The following USF2 variants were observed in gnomAD, a reference collection of about 807,000 sequenced individuals.
USF2 encodes the protein upstream stimulatory factor 2.
Under a neutral mutation model 46.9 loss-of-function variants are expected in USF2, and 16 were observed. That is an observed-to-expected ratio of 0.34 (90% confidence interval 0.23 to 0.52). USF2 has a LOEUF of 0.52. Among genes scored for constraint, USF2 ranks in the 20% least tolerant of loss-of-function variants. USF2 has a pLI of 0.96. For missense variants in USF2, 411 were observed against 474.0 expected, an observed-to-expected ratio of 0.87 and a Z score of 1.23; for synonymous variants, 239 against 194.1, an observed-to-expected ratio of 1.23 and a Z score of -1.92.
chr19:35,277,764 C>G (rs979822749), intron 7 of USF2: 1 of 152,370 alleles, frequency 6.6e-6, no homozygotes, highest in Non-Finnish European at 1.5e-5. Context: ...GCGTTCTTTC[C>G]TGTCCCCACG....
intron 7 of USF2, chr19:35,275,825 G>A (rs1390522472): frequency 6.6e-6 from 1 of 152,188 alleles, no homozygotes; most frequent in African/African-American, 2.4e-5. Context: ...GCCCGAATGT[G>A]TCCTAGCTTG....
At chr19:35,278,631 C>A in intron 7 of USF2, 67 bp from the exon 8 acceptor site, 2 of 1,535,008 alleles carry the variant, frequency 1.3e-6, no homozygotes, top group Non-Finnish European at 1.8e-6. Context: ...GAGCCTCTGC[C>A]CTGTGAGGAC....
intron 7 of USF2, chr19:35,277,300 A>G: frequency 6.5e-6 from 1 of 153,238 alleles, no homozygotes; most frequent in Non-Finnish European, 1.5e-5. Context: ...TGGAGGAAAG[A>G]GGGAGCACAA....
rs755239797 is a variant in USF2 at position 35,270,974 on chromosome 19, C to T, written c.669-109C>T. The T allele has an allele frequency of 5.3e-6, 8 of 1,495,574 alleles. No homozygotes were observed. In the East Asian group the frequency reaches 9.2e-5, roughly 17 times the overall value. The allele number at this position is 1,495,574 out of a possible 1,614,324, so 92.6% of individuals were successfully genotyped here. On this transcript the variant is annotated intron_variant, in intron 6 of 9. Transcript: ENST00000222305. ...TAAAGTATCATGTCTTTTGTTTTTGCAGATGGATTTACCTTGCAAAGATAA... is the reference window on the plus strand; with the variant it reads ...TAAAGTATCATGTCTTTTGTTTTTGTAGATGGATTTACCTTGCAAAGATAA...
rs1294082506 is a variant in USF2 at position 35,279,733 on chromosome 19, AT to A, written c.*481del. The A allele has an allele frequency of 6.1e-6, 1 of 163,842 alleles. No individual in the cohort carries two copies. The highest frequency in any genetic ancestry group is 1.3e-5 in the Non-Finnish European group (1 of 76,350). 10.1% of individuals were successfully genotyped at this position (163,842 alleles called of 1,614,324 possible). ...TTTGGGGGTGTGTGTGTGTGTTTTA[AT>A]TTTCTTTATGGAAAAATTGACAAAA... On this transcript the variant is annotated 3_prime_UTR_variant, in exon 10 of 10. Transcript: ENST00000222305.
intron 7 of USF2, chr19:35,275,139 C>G (rs1599630470): frequency 1.3e-5 from 2 of 152,292 alleles, no homozygotes; most frequent in Middle Eastern, 6.8e-3. Flanking sequence ...CTCTGCCTCC[C>G]CGGTTCAAGT....
chr19:35,270,034 G>T (rs563149461), intron 4 of USF2, 31 bp downstream of exon 4: 21 of 1,349,548 alleles, frequency 1.6e-5, no homozygotes, highest in Middle Eastern at 5.5e-4. Flanking sequence ...GGGTGGGGGG[G>T]GGAGGGAGTG....
intron 4 of USF2, 88 bp from the exon 5 acceptor site, chr19:35,270,359 A>G: frequency 1.3e-6 from 2 of 1,531,468 alleles, no homozygotes; most frequent in Non-Finnish European, 1.8e-6. Context: ...AATTGCAGAG[A>G]ATGCAGTAAA....
intron 3 of USF2, 43 bp downstream of exon 3, chr19:35,269,742 G>T: frequency 6.9e-7 from 1 of 1,459,246 alleles, no homozygotes. Context: ...GCGGGCGGGC[G>T]CGCCGGGAAG....
rs373829571 is a variant in USF2, at chr19:35,270,435, C to T, written c.430-12C>T. On this transcript the variant is annotated splice_polypyrimidine_tract_variant and intron_variant, in intron 4 of 9. Transcript: ENST00000222305. ...GAAAGCTAAGGGTAGCCTCTGCCCT[C>T]CTACTCCCCAGGCTGTGATCCAAAA... 6.2e-7 allele frequency: 1 copy of T among 1,609,540 alleles called. No individual in the cohort carries two copies. The highest frequency in any genetic ancestry group is 8.5e-7 in the Non-Finnish European group (1 of 1,178,088).
At chr19:35,269,239 C>T (rs1268711064) in intron 1 of USF2, 76 bp downstream of exon 1, 18 of 964,236 alleles carry the variant, frequency 1.9e-5, no homozygotes, top group Non-Finnish European at 1.1e-5. Context: ...CCGGGGCCGC[C>T]ATGATCCCGA....
chr19:35,279,589 G>A lies in USF2; in HGVS notation c.*333G>A, dbSNP rs577375976. Reference sequence around the variant, plus strand: ...GTCCCGCTGCCTCCTGCTCTCTGGAGGTACTGAGACAGGGTGCTGATGGGA... The same window carrying A: ...GTCCCGCTGCCTCCTGCTCTCTGGAAGTACTGAGACAGGGTGCTGATGGGA... On this transcript the variant is annotated 3_prime_UTR_variant, in exon 10 of 10. Coordinates refer to ENST00000222305, the MANE Select transcript of USF2 (RefSeq NM_003367.4). 4.0e-5 allele frequency: 12 copies of A among 302,280 alleles called. No homozygotes were observed. The highest frequency in any genetic ancestry group is 7.3e-5 in the Non-Finnish European group (12 of 164,752). The allele number at this position is 302,280 out of a possible 1,614,324, so 18.7% of individuals were successfully genotyped here.
intron 7 of USF2, 38 bp from the exon 8 acceptor site, chr19:35,278,660 C>A (rs779306761): frequency 6.2e-7 from 1 of 1,606,702 alleles, no homozygotes; most frequent in Non-Finnish European, 8.5e-7. Context: ...AGGCATGATC[C>A]GTCAGCGAAG....
In USF2 at chr19:35,278,709, C is replaced by A; in HGVS notation, c.739C>A (p.Arg247=). Residue 247 remains arginine, a synonymous_variant, in exon 8 of 10, where the codon CGG becomes AGG. Transcript: ENST00000222305. ...TCTGTTTTCCGCAGTGGAGCGGAGGCGGAGGGACAAGATCAACAACTGGAT... is the reference window on the plus strand; with the variant it reads ...TCTGTTTTCCGCAGTGGAGCGGAGGAGGAGGGACAAGATCAACAACTGGAT... The part of the protein sequence containing the change: ...RAQHNEVERR[R]RDKINNWIVQ... 19 of 1,614,098 alleles carry A rather than the reference C, an allele frequency of 1.2e-5. No homozygotes were observed. Among genetic ancestry groups the A allele is most frequent in the Non-Finnish European group, 1.4e-5 (16 of 1,180,012 alleles).
rs757056187 is a variant in USF2 at position 35,279,170 on chromosome 19, G to A, written c.955G>A (p.Glu319Lys). 3.7e-6 allele frequency: 6 copies of A among 1,608,958 alleles called. No homozygotes were observed. The highest frequency in any genetic ancestry group is 1.1e-5 in the South Asian group (1 of 90,392). Residue 319 changes from glutamate to lysine, a missense_variant, in exon 10 of 10, where the codon GAG becomes AAG. By Grantham distance (56) the Glu-to-Lys change is moderately conservative. Around this residue, in one of 2 missense-constraint regions of USF2, gnomAD observed 93 missense variants for 151.6 expected, o/e 0.61. Coordinates refer to ENST00000222305, the MANE Select transcript of USF2 (RefSeq NM_003367.4). Reference protein sequence around the residue: ...MDNELLRQQIEELKNENALLR... With the variant: ...MDNELLRQQIKELKNENALLR... Reference sequence around the variant, plus strand: ...TGACCTCCGTCGTGTCCGCCAGATCGAGGAGCTGAAGAATGAGAACGCCCT... The same window carrying A: ...TGACCTCCGTCGTGTCCGCCAGATCAAGGAGCTGAAGAATGAGAACGCCCT...
intron 7 of USF2, among the ~76,000 whole-genome samples, chr19:35,272,916 A>G (rs1023570849): frequency 2.6e-5 from 4 of 151,946 alleles, no homozygotes; most frequent in African/African-American, 9.7e-5. Context: ...GTGGGGCGTC[A>G]GGGTGGTTCT....
chr19:35,270,761 A>G lies in USF2; in HGVS notation c.624A>G (p.Thr208=), dbSNP rs1330353715. The change falls in exon 6 of 10, where the codon ACA becomes ACG. Residue 208 remains threonine (T), a synonymous_variant. Coordinates refer to ENST00000222305, the MANE Select transcript of USF2 (RefSeq NM_003367.4). ...VMMTPQDVLQ[T]GTQRTIAPRT... The stretch of plus-strand genomic sequence containing the variant: ...TGACGCCCCAGGATGTGCTTCAGAC[A>G]GGAACACAGAGGACGATCGCCCCCC... The G allele has an allele frequency of 1.2e-6, 2 of 1,614,022 alleles. No homozygotes were observed. The highest frequency in any genetic ancestry group is 1.7e-6 in the Non-Finnish European group (2 of 1,180,028).
chr19:35,275,934 T>C (rs2066227502), intron 7 of USF2: 1 of 152,180 alleles, frequency 6.6e-6, no homozygotes, highest in African/African-American at 2.4e-5. Context: ...GTGTTCAGGC[T>C]TTCTATTCTG....
chr19:35,273,719 G>A (rs2066191234), intron 7 of USF2, among the ~76,000 whole-genome samples: 1 of 151,704 alleles, frequency 6.6e-6, no homozygotes, highest in African/African-American at 2.4e-5. Context: ...CATCACATGG[G>A]GTAATTTTTT....
Sources: allele counts gnomAD v4.1 joint callset (sites outside exome capture counted in the v4.1 genomes callset), GRCh38; gene constraint gnomAD v4.1.1; regional missense constraint gnomAD v4.1.1; transcripts MANE v1.5; gene names NCBI Gene and HGNC (gene_info 2026-07-23, HGNC 2026-07-21).